UTRN: variants seen among roughly 807,000 people sequenced by gnomAD.
The protein encoded by UTRN is dystrophin-related protein 1.
A neutral mutation model predicts 463.9 loss-of-function variants in UTRN; 283 were observed. The ratio of observed to expected loss-of-function variants is 0.61; its 90% confidence interval spans 0.55 to 0.67. UTRN has a LOEUF of 0.67. Ranked by LOEUF, UTRN falls within the 30% of genes least tolerant of loss-of-function variation. The pLI is 0.00. For missense variants in UTRN, 3,922 were observed against 4,084.3 expected (o/e 0.96, Z 1.08); for synonymous variants, 1,442 against 1,431.5 (o/e 1.01, Z -0.17).
intron 52 of UTRN, among the ~76,000 whole-genome samples, chr6:144,697,856 C>T (rs1784184070): frequency 6.6e-6 from 1 of 152,026 alleles, no homozygotes; most frequent in Non-Finnish European, 1.5e-5. Context: ...GTGTGCATTT[C>T]AATACAATAA....
intron 25 of UTRN, among the ~76,000 whole-genome samples, chr6:144,478,869 A>C (rs889754075): frequency 1.3e-5 from 2 of 152,202 alleles, no homozygotes; most frequent in Non-Finnish European, 2.9e-5. Context: ...AAATATTTCT[A>C]GACTTCTCCA....
intron 51 of UTRN, among the ~76,000 whole-genome samples, chr6:144,650,153 AT>A (rs1228784834): frequency 6.6e-6 from 1 of 152,190 alleles, no homozygotes; most frequent in Non-Finnish European, 1.5e-5. Context: ...TTATAAAACC[AT>A]CAGATCTCAT....
chr6:144,744,758 G>A (rs914898773), intron 54 of UTRN, among the ~76,000 whole-genome samples: 1 of 152,010 alleles, frequency 6.6e-6, no homozygotes, highest in Non-Finnish European at 1.5e-5. Context: ...TCTAGCATTA[G>A]CCTCTATTAC....
At chr6:144,727,641 C>A (rs1788027974) in intron 53 of UTRN, among the ~76,000 whole-genome samples, 1 of 152,152 alleles carries the variant, frequency 6.6e-6, no homozygotes, top group Non-Finnish European at 1.5e-5. Flanking sequence ...GCCCTGTAGT[C>A]CCAGCTACTC....
intron 2 of UTRN, among the ~76,000 whole-genome samples, chr6:144,298,317 C>T (rs1804922585): frequency 6.6e-6 from 1 of 152,196 alleles, no homozygotes; most frequent in Admixed American, 6.5e-5. Context: ...AGTCCTTTCG[C>T]TTTTACTTCC....
At position 144,850,991 on chromosome 6, in the gene UTRN, A is replaced by G; in HGVS notation, c.10296A>G (p.Ala3432=). 1.2e-6 allele frequency: 2 copies of G among 1,613,644 alleles called. No homozygotes were observed. The highest frequency in any genetic ancestry group is 3.3e-5 in the Admixed American group (2 of 60,006). The change falls in exon 75 of 75, where the codon GCA becomes GCG. Residue 3432 remains alanine (A), a splice_region_variant and synonymous_variant. Coordinates refer to ENST00000367545, the MANE Select transcript of UTRN (RefSeq NM_007124.3). ...AGTGCTATTTTCCCTTCCCATAGGCAATGTGAAGTATTCATCCGGCCAACC... is the reference window on the plus strand; with the variant it reads ...AGTGCTATTTTCCCTTCCCATAGGCGATGTGAAGTATTCATCCGGCCAACC... ...CCPNVPSRPQ[A]M
chr6:144,829,982 T>C (rs1035770808), intron 69 of UTRN, among the ~76,000 whole-genome samples: 31 of 152,170 alleles, frequency 2.0e-4, no homozygotes, highest in African/African-American at 7.2e-4. Context: ...TTGTTTCATA[T>C]TTAACCTACT....
At chr6:144,529,802 T>C (rs9386070) in intron 41 of UTRN, among the ~76,000 whole-genome samples, 17,479 of 151,988 alleles carry the variant, frequency 0.12, 1,776 homozygotes, top group East Asian at 0.54. Context: ...AAAATATATA[T>C]TTTATTAATA....
At chr6:144,837,133 C>G (rs1275223186) in intron 71 of UTRN, 1 of 152,814 alleles carries the variant, frequency 6.5e-6, no homozygotes, top group African/African-American at 2.4e-5. Context: ...GAAATGCCAG[C>G]TCTTATTTTC....
At chr6:144,562,201 AT>A (rs1799991710) in intron 50 of UTRN, among the ~76,000 whole-genome samples, 2 of 152,190 alleles carry the variant, frequency 1.3e-5, no homozygotes, top group South Asian at 2.1e-4. Context: ...ATTTAAAAAA[AT>A]ATTTTATTTT....
chr6:144,352,511 C>T (rs1247673745), intron 2 of UTRN, among the ~76,000 whole-genome samples: 1 of 152,128 alleles, frequency 6.6e-6, no homozygotes, highest in Admixed American at 6.5e-5. Flanking sequence ...CTTTTCATGT[C>T]CCACGGGACA....
chr6:144,544,887 T>C (rs1041639226), intron 46 of UTRN, among the ~76,000 whole-genome samples: 1 of 152,146 alleles, frequency 6.6e-6, no homozygotes, highest in African/African-American at 2.4e-5. Context: ...CCTCTTTCTC[T>C]GATAGCTACT....
At chr6:144,354,988 G>A (rs1213320724) in intron 2 of UTRN, among the ~76,000 whole-genome samples, 2 of 152,046 alleles carry the variant, frequency 1.3e-5, no homozygotes, top group Non-Finnish European at 2.9e-5. Flanking sequence ...TCCTGTTCTT[G>A]TCTTTGAATC....
intron 61 of UTRN, among the ~76,000 whole-genome samples, chr6:144,783,226 T>G (rs569866592): frequency 3.1e-4 from 47 of 151,526 alleles, no homozygotes; most frequent in African/African-American, 1.1e-3. Context: ...AAACTAGAAC[T>G]GTTGTTTTGC....
intron 53 of UTRN, among the ~76,000 whole-genome samples, chr6:144,712,640 T>C (rs1391331909): frequency 6.6e-6 from 1 of 152,356 alleles, no homozygotes; most frequent in Non-Finnish European, 1.5e-5. Flanking sequence ...TGTAAGACTA[T>C]TTTTGCAATC....
chr6:144,325,597 A>C (rs1775926081), intron 2 of UTRN, among the ~76,000 whole-genome samples: 1 of 152,176 alleles, frequency 6.6e-6, no homozygotes, highest in African/African-American at 2.4e-5. Context: ...CCAATTAAAG[A>C]GTGCTTTTAC....
chr6:144,344,662 C>G (rs1183616950), intron 2 of UTRN, among the ~76,000 whole-genome samples: 1 of 152,168 alleles, frequency 6.6e-6, no homozygotes, highest in Non-Finnish European at 1.5e-5. Flanking sequence ...AGAGAAGAAG[C>G]CTCCTTTGTG....
chr6:144,568,618 G>A (rs887192779), intron 50 of UTRN, among the ~76,000 whole-genome samples: 3 of 151,940 alleles, frequency 2.0e-5, no homozygotes, highest in Non-Finnish European at 2.9e-5. Flanking sequence ...TTTTGCGATC[G>A]GCACACTACT....
intron 2 of UTRN, among the ~76,000 whole-genome samples, chr6:144,354,092 A>AC (rs1461000081): frequency 6.6e-6 from 1 of 152,206 alleles, no homozygotes; most frequent in Admixed American, 6.5e-5. Context: ...CAGTGCAGGC[A>AC]CATCAGTGAA....
Sources: gnomAD v4.1 joint callset for allele counts (sites outside exome capture counted in the v4.1 genomes callset) on GRCh38, gnomAD v4.1.1 for gene constraint, MANE v1.5 for transcripts, NCBI Gene and HGNC (gene_info 2026-07-23, HGNC 2026-07-21) for gene names.